OCIAD2: variants seen among roughly 807,000 people sequenced by gnomAD.
OCIAD2 encodes OCIA domain-containing protein 2.
OCIAD2 carries 29 observed loss-of-function variants against 22.9 expected under a neutral mutation model. The observed-to-expected ratio is 1.27, with a 90% confidence interval of 0.94 to 1.73. The LOEUF is 1.73. Ranked by LOEUF, OCIAD2 falls within the 40% of genes most tolerant of loss-of-function variation. The pLI, the probability that OCIAD2 is intolerant of heterozygous loss-of-function variation, is 0.00. For missense variants in OCIAD2, 189 were observed against 180.3 expected, an observed-to-expected ratio of 1.05 and a Z score of -0.28; for synonymous variants, 67 against 60.2, an observed-to-expected ratio of 1.11 and a Z score of -0.52.
In OCIAD2 at chr4:48,885,097, T is replaced by C. The variant is rs766818323; in HGVS notation, c.*387A>G. 2.4e-4 allele frequency: 43 copies of C among 179,428 alleles called. No individual in the cohort carries two copies. The highest frequency in any genetic ancestry group is 1.8e-3 in the Admixed American group (30 of 16,708). The allele number at this position is 179,428 out of a possible 1,614,324, so 11.1% of individuals were successfully genotyped here. On this transcript the variant is annotated 3_prime_UTR_variant, in exon 7 of 7. Coordinates refer to ENST00000508632, the MANE Select transcript of OCIAD2 (RefSeq NM_001014446.3). ...GCCTCCTGGGTTCAAGTGATTCTCCTGCCTCAGCCTCCCTCTCAGTAGCTG... is the reference window on the plus strand; with the variant it reads ...GCCTCCTGGGTTCAAGTGATTCTCCCGCCTCAGCCTCCCTCTCAGTAGCTG...
intron 6 of OCIAD2, among the ~76,000 whole-genome samples, chr4:48,887,087 G>A (rs894494292): frequency 2.6e-5 from 4 of 152,092 alleles, no homozygotes; most frequent in African/African-American, 9.7e-5. Context: ...TTCTCTGATG[G>A]TCAGTGATGA....
intron 6 of OCIAD2, among the ~76,000 whole-genome samples, chr4:48,886,587 G>T (rs1367841547): frequency 1.3e-5 from 2 of 150,046 alleles, no homozygotes; most frequent in Non-Finnish European, 2.9e-5. Context: ...GAGAACATGC[G>T]GTGTTTGGTT....
intron 3 of OCIAD2, among the ~76,000 whole-genome samples, chr4:48,898,096 G>A (rs916374641): frequency 6.6e-6 from 1 of 152,176 alleles, no homozygotes. Context: ...TCTACTTCAT[G>A]TCTGACATCC....
At position 48,897,818 on chromosome 4, in the gene OCIAD2, C is replaced by T. The variant is rs780578947; in HGVS notation, c.203G>A (p.Gly68Glu). Residue 68 changes from glycine to glutamate, a missense_variant, in exon 4 of 7, where the codon GGA becomes GAA. By Grantham distance (98) the Gly-to-Glu change is moderately conservative. Transcript: ENST00000508632. ...FSLVSMLVTQ[G>E]LVYQGYLAAN... ...TTGAATCTTACCTTGGTAGACTAGT[C>T]CCTGGGTGACAAGCATGCTTACAAG... The T allele has an allele frequency of 8.7e-6, 14 of 1,611,370 alleles. No homozygotes were observed. In the Admixed American group the frequency reaches 2.3e-4, roughly 27 times the overall value.
At chr4:48,904,457 A>C in intron 2 of OCIAD2, 27 bp downstream of exon 2, 2 of 1,598,812 alleles carry the variant, frequency 1.3e-6, no homozygotes, top group Non-Finnish European at 1.7e-6. Context: ...TCAATCAATG[A>C]ATCGATCAAT....
chr4:48,898,046 A>C (rs1318351438), intron 3 of OCIAD2, among the ~76,000 whole-genome samples, 189 bp from the exon 4 acceptor site: 2 of 152,228 alleles, frequency 1.3e-5, no homozygotes, highest in Non-Finnish European at 2.9e-5. Flanking sequence ...AATCTTCTCC[A>C]GTCACTTACC....
Position 48,887,801 on chromosome 4 carries a change from G to A in OCIAD2, c.384-2236C>T, listed in dbSNP as rs191987169. On this transcript the variant is annotated intron_variant, in intron 6 of 6. Transcript: ENST00000508632. The stretch of plus-strand genomic sequence containing the variant: ...CCTCCAGTTTTGTTCTTTTGGTTTA[G>A]GATTGACTTGGCAATGCGGGCTCTT... Among the ~76,000 whole-genome samples, 54 of 152,224 alleles carry A rather than the reference G, an allele frequency of 3.5e-4. 1 individual carries two copies. The highest frequency in any genetic ancestry group is 1.2e-3 in the African/African-American group (49 of 41,538).
At chr4:48,892,346 C>T (rs1227706799) in intron 6 of OCIAD2, among the ~76,000 whole-genome samples, 2 of 152,212 alleles carry the variant, frequency 1.3e-5, no homozygotes, top group Middle Eastern at 3.4e-3. Flanking sequence ...AGTACTATAA[C>T]AGCAGAGGTG....
At position 48,896,045 on chromosome 4, in the gene OCIAD2, T is replaced by C. The variant is rs139205619; in HGVS notation, c.217+1759A>G. On this transcript the variant is annotated intron_variant, in intron 4 of 6. Coordinates refer to ENST00000508632, the MANE Select transcript of OCIAD2 (RefSeq NM_001014446.3). Reference sequence around the variant, plus strand: ...AGACTCCATCTAAAAAACAAACAAATAGACAAACAAAAAACCCATAATCCC... The same window carrying C: ...AGACTCCATCTAAAAAACAAACAAACAGACAAACAAAAAACCCATAATCCC... Among the ~76,000 whole-genome samples the C allele has an allele frequency of 1.7e-3, 254 of 151,930 alleles. 1 individual carries two copies. The highest frequency in any genetic ancestry group is 6.0e-3 in the African/African-American group (249 of 41,450).
At chr4:48,898,463 C>T (rs1781347103) in intron 3 of OCIAD2, among the ~76,000 whole-genome samples, 1 of 152,186 alleles carries the variant, frequency 6.6e-6, no homozygotes, top group African/African-American at 2.4e-5. Flanking sequence ...CCACCATTAG[C>T]ATGGTCAAAA....
chr4:48,888,012 A>C (rs560501064), intron 6 of OCIAD2, among the ~76,000 whole-genome samples: 4 of 151,996 alleles, frequency 2.6e-5, no homozygotes, highest in South Asian at 2.1e-4. Flanking sequence ...CTTTTATTTC[A>C]TTGAGCAGTG....
intron 6 of OCIAD2, among the ~76,000 whole-genome samples, chr4:48,886,802 C>T (rs1211455227): frequency 3.3e-5 from 5 of 152,174 alleles, no homozygotes; most frequent in Non-Finnish European, 4.4e-5. Context: ...AATAAACATA[C>T]GTGTGCATGT....
At chr4:48,885,689 T>C (rs745569091) in intron 6 of OCIAD2, 124 bp from the exon 7 acceptor site, 80 of 616,702 alleles carry the variant, frequency 1.3e-4, no homozygotes, top group Non-Finnish European at 2.1e-4. Flanking sequence ...GGGGAGTCTA[T>C]CTATGTTGCC....
intron 1 of OCIAD2, among the ~76,000 whole-genome samples, chr4:48,905,135 G>A (rs556293215): frequency 2.3e-4 from 35 of 152,204 alleles, no homozygotes; most frequent in African/African-American, 8.4e-4. Context: ...TTACAGGGAC[G>A]TGAACAAAGA....
chr4:48,885,513 T>C lies in OCIAD2; in HGVS notation c.436A>G (p.Lys146Glu). ...ECKIKHGLSEKGDSQPSAS is the reference protein window; with the variant it reads ...ECKIKHGLSEEGDSQPSAS ...GAAGCTGAAGGCTGAGAGTCTCCCTTCTCACTTAATCCATGCTTTATTTTG... is the reference window on the plus strand; with the variant it reads ...GAAGCTGAAGGCTGAGAGTCTCCCTCCTCACTTAATCCATGCTTTATTTTG... Residue 146 changes from lysine (K) to glutamate (E), a missense_variant, in exon 7 of 7, where the codon AAG (lysine) becomes GAG (glutamate). Coordinates refer to ENST00000508632, the MANE Select transcript of OCIAD2 (RefSeq NM_001014446.3). 1 of 1,611,294 alleles carries C rather than the reference T, an allele frequency of 6.2e-7. No individual in the cohort carries two copies. The highest frequency in any genetic ancestry group is 8.5e-7 in the Non-Finnish European group (1 of 1,177,390).
chr4:48,904,591 G>C lies in OCIAD2; in HGVS notation c.-42C>G, dbSNP rs757672451. 1.3e-6 allele frequency: 2 copies of C among 1,564,054 alleles called. No homozygotes were observed. The highest frequency in any genetic ancestry group is 1.8e-6 in the Non-Finnish European group (2 of 1,134,990). On this transcript the variant is annotated 5_prime_UTR_variant, in exon 2 of 7. Transcript: ENST00000508632. Reference sequence around the variant, plus strand: ...CTCTCCTTCCAGTTGTTTATCCTCTGCTTACTCCTTGACCCAGTGTCTAAG... The same window carrying C: ...CTCTCCTTCCAGTTGTTTATCCTCTCCTTACTCCTTGACCCAGTGTCTAAG...
intron 6 of OCIAD2, among the ~76,000 whole-genome samples, chr4:48,889,352 A>G (rs1301941539): frequency 2.0e-5 from 3 of 151,994 alleles, no homozygotes; most frequent in Non-Finnish European, 4.4e-5. Context: ...AATTTTTACA[A>G]TCTACACATT....
Position 48,885,425 on chromosome 4 carries a change from A to AT in OCIAD2, c.*58dup. On this transcript the variant is annotated 3_prime_UTR_variant, in exon 7 of 7. Transcript: ENST00000508632. ...TATTTTATTTTAAAGTACACTTGAA[A>AT]TTTTAAATGTGTACAAATTCAGAGG... The AT allele has an allele frequency of 2.2e-6, 2 of 904,934 alleles. No homozygotes were observed. The highest frequency in any genetic ancestry group is 1.4e-5 in the South Asian group (1 of 72,694). The allele number at this position is 904,934 out of a possible 1,614,324, so 56.1% of individuals were successfully genotyped here. A position where few individuals can be genotyped will look rare whatever the true frequency, so the allele number is the denominator to read the frequency against.
chr4:48,893,288 C>G (rs1315759170), intron 5 of OCIAD2: 1 of 153,916 alleles, frequency 6.5e-6, no homozygotes, highest in Non-Finnish European at 1.4e-5. Context: ...GAGCTTCAGT[C>G]CATCTTGCCT....
Sources: allele counts gnomAD v4.1 joint callset (sites outside exome capture counted in the v4.1 genomes callset), GRCh38; gene constraint gnomAD v4.1.1; transcripts MANE v1.5; gene names NCBI Gene and HGNC (gene_info 2026-07-23, HGNC 2026-07-21).